EXOC4: variants seen among roughly 807,000 people sequenced by gnomAD.
EXOC4 encodes the protein SEC8-like 1.
In EXOC4, 71 loss-of-function variants were observed where a neutral mutation model predicts 107.2. The observed-to-expected ratio is 0.66, with a 90% confidence interval of 0.55 to 0.81. The LOEUF is 0.81. Ranked by LOEUF, EXOC4 falls within the 30% of genes least tolerant of loss-of-function variation. The pLI, the probability that EXOC4 is intolerant of heterozygous loss-of-function variation, is 0.00. For synonymous variants in EXOC4, 456 were observed against 441.2 expected (o/e 1.03, Z -0.42); for missense variants, 1,108 against 1,189.6 (o/e 0.93, Z 1.01).
At chr7:133,741,546 C>T (rs900703234) in intron 10 of EXOC4, among the ~76,000 whole-genome samples, 1 of 152,132 alleles carries the variant, frequency 6.6e-6, no homozygotes, top group African/African-American at 2.4e-5. Context: ...AAGCCTAGGT[C>T]GTATCTGGCC....
At chr7:134,089,679 AGACT>A in the EXOC4 span, among the ~76,000 whole-genome samples, 25 of 152,230 alleles carry the variant, frequency 1.6e-4, no homozygotes, top group Non-Finnish European at 2.2e-4. Flanking sequence ...TGACCTACAC[AGACT>A]ATCTACGACA....
At chr7:133,338,872 C>T (rs570192986) in intron 5 of EXOC4, among the ~76,000 whole-genome samples, 63 of 151,388 alleles carry the variant, frequency 4.2e-4, no homozygotes, top group Admixed American at 1.2e-3. Flanking sequence ...CCTGCCTCAG[C>T]CTCCTGAGTA....
intron 10 of EXOC4, among the ~76,000 whole-genome samples, chr7:133,674,277 TACAC>T: frequency 6.6e-6 from 1 of 152,138 alleles, no homozygotes. Flanking sequence ...AAAAGACAAA[TACAC>T]ACACATTCCC....
chr7:133,775,944 A>G (rs1796336404), intron 10 of EXOC4, among the ~76,000 whole-genome samples: 1 of 152,202 alleles, frequency 6.6e-6, no homozygotes, highest in Non-Finnish European at 1.5e-5. Context: ...ATCATCAGTT[A>G]TCTAGAAGGA....
the EXOC4 span, among the ~76,000 whole-genome samples, chr7:134,074,757 C>T: frequency 2.0e-5 from 3 of 152,172 alleles, no homozygotes; most frequent in Non-Finnish European, 2.9e-5. Context: ...ACATGAATGT[C>T]GCATGGAAAG....
At chr7:133,583,211 T>C (rs1028777921) in intron 9 of EXOC4, among the ~76,000 whole-genome samples, 3 of 152,210 alleles carry the variant, frequency 2.0e-5, no homozygotes, top group Non-Finnish European at 4.4e-5. Context: ...CCTACTTTTT[T>C]TGGCTGTTTC....
chr7:133,651,091 A>G (rs1803138512), intron 10 of EXOC4, among the ~76,000 whole-genome samples: 1 of 151,942 alleles, frequency 6.6e-6, no homozygotes, highest in South Asian at 2.1e-4. Context: ...GAAGGAAGAA[A>G]AGTCATACAC....
chr7:133,529,930 C>T (rs1800150024), intron 9 of EXOC4, among the ~76,000 whole-genome samples: 1 of 152,164 alleles, frequency 6.6e-6, no homozygotes, highest in Admixed American at 6.5e-5. Context: ...AAAATACCAA[C>T]CTCTCCACTA....
intron 9 of EXOC4, among the ~76,000 whole-genome samples, chr7:133,626,486 A>G (rs1284534602): frequency 3.3e-5 from 5 of 152,198 alleles, no homozygotes; most frequent in Non-Finnish European, 7.3e-5. Context: ...CAAATGCAGT[A>G]TAGATGGCAC....
At chr7:133,778,441 G>T (rs1216322546) in intron 10 of EXOC4, among the ~76,000 whole-genome samples, 2 of 152,100 alleles carry the variant, frequency 1.3e-5, no homozygotes, top group Admixed American at 1.3e-4. Flanking sequence ...TAAAAAATTA[G>T]CTGGGCTTGG....
At chr7:133,468,708 G>C (rs1243420882) in intron 7 of EXOC4, among the ~76,000 whole-genome samples, 1 of 152,152 alleles carries the variant, frequency 6.6e-6, no homozygotes, top group East Asian at 1.9e-4. Context: ...GAGAAAGCCA[G>C]AGGAATTCGC....
At position 133,866,046 on chromosome 7, in the gene EXOC4, A is replaced by G. The variant is rs114838231; in HGVS notation, c.1735-29553A>G. Among the ~76,000 whole-genome samples, 944 of 152,274 alleles carry G rather than the reference A, an allele frequency of 6.2e-3. 7 individuals carry two copies. Among genetic ancestry groups the G allele is most frequent in the Middle Eastern group, 0.024 (7 of 294 alleles). On this transcript the variant is annotated intron_variant, in intron 11 of 17. Transcript: ENST00000253861. ...TAATATTTATGAAGGGGGACATATA[A>G]TAACTCTGGGACTGACAGCTAACAT...
intron 5 of EXOC4, among the ~76,000 whole-genome samples, chr7:133,317,953 C>T (rs995837371): frequency 6.6e-6 from 1 of 151,698 alleles, no homozygotes; most frequent in East Asian, 1.9e-4. Flanking sequence ...CCACCACACC[C>T]GGGCGACCAG....
At chr7:133,774,590 C>A (rs929777445) in intron 10 of EXOC4, among the ~76,000 whole-genome samples, 1 of 151,900 alleles carries the variant, frequency 6.6e-6, no homozygotes. Flanking sequence ...ATAGAAAGTT[C>A]AAGACATTTA....
chr7:134,001,928 T>C (rs1794539272), intron 15 of EXOC4, among the ~76,000 whole-genome samples: 1 of 152,246 alleles, frequency 6.6e-6, no homozygotes, highest in Non-Finnish European at 1.5e-5. Flanking sequence ...CCTGGAGTCA[T>C]AATGTCTGTC....
chr7:134,048,093 C>T (rs1439696096), intron 17 of EXOC4, among the ~76,000 whole-genome samples: 1 of 152,274 alleles, frequency 6.6e-6, no homozygotes, highest in East Asian at 1.9e-4. Flanking sequence ...AGACATTTCC[C>T]AAGTGGGGGC....
intron 10 of EXOC4, among the ~76,000 whole-genome samples, chr7:133,652,844 T>C (rs981752432): frequency 6.6e-6 from 1 of 152,240 alleles, no homozygotes; most frequent in Non-Finnish European, 1.5e-5. Context: ...TTAATGCTTT[T>C]GTGGCAATAT....
intron 12 of EXOC4, among the ~76,000 whole-genome samples, chr7:133,902,710 C>T (rs1447777304): frequency 6.6e-6 from 1 of 151,910 alleles, no homozygotes; most frequent in Admixed American, 6.6e-5. Flanking sequence ...AAAAAATTAG[C>T]CAGGTGTGTT....
At chr7:133,656,739 T>TA (rs1803308881) in intron 10 of EXOC4, among the ~76,000 whole-genome samples, 1 of 152,194 alleles carries the variant, frequency 6.6e-6, no homozygotes, top group African/African-American at 2.4e-5. Flanking sequence ...AGGTCTGACT[T>TA]ACTACGTATG....
Sources: gnomAD v4.1 joint callset for allele counts (sites outside exome capture counted in the v4.1 genomes callset) on GRCh38, gnomAD v4.1.1 for gene constraint, MANE v1.5 for transcripts, NCBI Gene and HGNC (gene_info 2026-07-23, HGNC 2026-07-21) for gene names.